The following KY variants were observed in gnomAD, a reference collection of about 807,000 sequenced individuals.
KY encodes the protein kyphoscoliosis peptidase.
In KY, 43 loss-of-function variants were observed where a neutral mutation model predicts 76.1. That is an observed-to-expected ratio of 0.57 (90% confidence interval 0.44 to 0.73). The LOEUF is 0.73. Ranked by LOEUF, KY falls within the 30% of genes least tolerant of loss-of-function variation. The probability of loss-of-function intolerance (pLI) is 0.00; values close to 1 mark genes in which losing one functional copy is unlikely to be tolerated. For synonymous variants in KY, 277 were observed against 326.2 expected (o/e 0.85, Z 1.63); for missense variants, 722 against 828.9 (o/e 0.87, Z 1.58).
At chr3:134,634,314 A>T (rs1403415902) in intron 3 of KY, among the ~76,000 whole-genome samples, 1 of 152,220 alleles carries the variant, frequency 6.6e-6, no homozygotes, top group African/African-American at 2.4e-5. Flanking sequence ...TGAAAAAAAA[A>T]GATGGGAGGA....
chr3:134,609,756 T>C (rs767042600), intron 9 of KY, among the ~76,000 whole-genome samples: 9 of 152,038 alleles, frequency 5.9e-5, no homozygotes, highest in Non-Finnish European at 1.0e-4. Context: ...TGTGATACGG[T>C]CTCACTCAGA....
chr3:134,610,097 C>T, intron 9 of KY, 98 bp downstream of exon 9: 1 of 1,337,108 alleles, frequency 7.5e-7, no homozygotes, highest in Non-Finnish European at 1.0e-6. Flanking sequence ...CTCTCCTTCC[C>T]CTCCCGCTTG....
At chr3:134,611,688 G>A (rs1309265254) in intron 8 of KY, among the ~76,000 whole-genome samples, 2 of 152,236 alleles carry the variant, frequency 1.3e-5, no homozygotes, top group African/African-American at 4.8e-5. Context: ...ACCCTGTGCT[G>A]TACTCAGCTG....
Position 134,643,359 on chromosome 3 carries a change from C to G in KY, c.219G>C (p.Gln73His). The change falls in exon 3 of 11, where the codon CAG becomes CAC. Residue 73 changes from glutamine (Q) to histidine (H), a missense_variant. Gln to His is a conservative substitution (Grantham distance 24). Coordinates refer to ENST00000423778, the MANE Select transcript of KY (RefSeq NM_178554.6). ...NDFHENLVEK[Q>H]HPQQPQVITS... ...TGATGACCTGGGGCTGCTGAGGGTG[C>G]TGCTTCTCCACCAAGTTTTCTATTT... 1.2e-6 allele frequency: 2 copies of G among 1,613,870 alleles called. No homozygotes were observed. Among genetic ancestry groups the G allele is most frequent in the Non-Finnish European group, 1.7e-6 (2 of 1,179,848 alleles).
chr3:134,650,048 CTTAT>C (rs1966847254), intron 1 of KY, among the ~76,000 whole-genome samples: 2 of 152,208 alleles, frequency 1.3e-5, no homozygotes, highest in Admixed American at 6.5e-5. Context: ...TTTTCAGGGG[CTTAT>C]TTAACCTCCA....
chr3:134,646,064 T>C (rs1298811611), intron 2 of KY, among the ~76,000 whole-genome samples: 1 of 152,150 alleles, frequency 6.6e-6, no homozygotes, highest in Non-Finnish European at 1.5e-5. Flanking sequence ...ACCTGTGGCT[T>C]GCTTGCCCAC....
At chr3:134,614,146 T>C (rs536243607) in intron 8 of KY, among the ~76,000 whole-genome samples, 1 of 152,234 alleles carries the variant, frequency 6.6e-6, no homozygotes, top group South Asian at 2.1e-4. Flanking sequence ...AGCAAAGACC[T>C]GGAGAGCCCA....
At chr3:134,627,588 A>G (rs977587143) in intron 5 of KY, among the ~76,000 whole-genome samples, 168 bp downstream of exon 5, 1 of 152,170 alleles carries the variant, frequency 6.6e-6, no homozygotes, top group African/African-American at 2.4e-5. Context: ...ACCTGTGTCC[A>G]TGGCAGACAT....
chr3:134,641,565 G>T (rs997608449), intron 3 of KY, among the ~76,000 whole-genome samples: 3 of 152,138 alleles, frequency 2.0e-5, no homozygotes, highest in African/African-American at 7.2e-5. Context: ...AAAAAACGCT[G>T]GCCCGGCTGA....
intron 3 of KY, among the ~76,000 whole-genome samples, chr3:134,637,930 T>C (rs1965204176): frequency 6.6e-6 from 1 of 152,212 alleles, no homozygotes; most frequent in African/African-American, 2.4e-5. Context: ...GCTCCAGCCA[T>C]CACTATTCCT....
At chr3:134,621,283 C>T (rs1217633193) in intron 6 of KY, among the ~76,000 whole-genome samples, 1 of 152,150 alleles carries the variant, frequency 6.6e-6, no homozygotes, top group Non-Finnish European at 1.5e-5. Context: ...GAAAAAAGAA[C>T]ACATTTGAAG....
chr3:134,648,324 CT>C (rs1318006138), intron 1 of KY, among the ~76,000 whole-genome samples: 1 of 152,190 alleles, frequency 6.6e-6, no homozygotes, highest in Non-Finnish European at 1.5e-5. Flanking sequence ...CCGCCACTCT[CT>C]TCTTAACACC....
chr3:134,642,704 G>T (rs1202300388), intron 3 of KY, among the ~76,000 whole-genome samples: 1 of 152,232 alleles, frequency 6.6e-6, no homozygotes, highest in African/African-American at 2.4e-5. Context: ...AACTGCTATT[G>T]GTCAGGACAA....
chr3:134,610,153 TC>T (rs771093497), intron 9 of KY, 41 bp downstream of exon 9: 1 of 1,579,704 alleles, frequency 6.3e-7, no homozygotes, highest in Admixed American at 1.7e-5. Context: ...ATCCTCCACT[TC>T]CACCTGCCAG....
rs914580528 is a variant in KY, at chr3:134,650,732, G to A, written c.136+93C>T. 2.5e-6 allele frequency: 3 copies of A among 1,221,648 alleles called. No individual in the cohort carries two copies. The African/African-American group carries it at 4.7e-5, about 19-fold the overall frequency. The allele number at this position is 1,221,648 out of a possible 1,614,324, so 75.7% of individuals were successfully genotyped here. A position where few individuals can be genotyped will look rare whatever the true frequency, so the allele number is the denominator to read the frequency against. On this transcript the variant is annotated intron_variant, in intron 1 of 10. Coordinates refer to ENST00000423778, the MANE Select transcript of KY (RefSeq NM_178554.6). ...GGGTCGGGTTCGCTGACCTCGTTCG[G>A]GGGAGCAATGGGCGCCCCCCGGCGG... is the stretch of plus-strand genomic sequence containing the variant.
rs771716570 is a variant in KY at position 134,619,191 on chromosome 3, T to C, written c.667A>G (p.Thr223Ala). The change falls in exon 8 of 11, where the codon ACC (threonine) becomes GCC (alanine). Residue 223 changes from threonine (T) to alanine (A), a missense_variant. Thr to Ala is a moderately conservative substitution (Grantham distance 58). This residue lies in a region of KY where 552 missense variants were observed against 680.9 expected (regional missense o/e 0.81). Coordinates refer to ENST00000423778, the MANE Select transcript of KY (RefSeq NM_178554.6). ...AGGCCAGCATAGCCATCACAGTTGG[T>C]CTTCTGGGTCCGCAGGATGTCAGTG... ...KPTDILRTQK[T>A]NCDGYAGLFE... The C allele has an allele frequency of 6.2e-7, 1 of 1,613,890 alleles. No individual in the cohort carries two copies. Among genetic ancestry groups the C allele is most frequent in the South Asian group, 1.1e-5 (1 of 91,080 alleles).
intron 3 of KY, among the ~76,000 whole-genome samples, chr3:134,632,817 CT>C (rs1432612551): frequency 4.6e-5 from 7 of 151,774 alleles, no homozygotes; most frequent in Non-Finnish European, 4.4e-5. Context: ...AATGCTGGTT[CT>C]TTTTAAAGAT....
intron 8 of KY, among the ~76,000 whole-genome samples, chr3:134,611,168 C>T (rs1019679627): frequency 2.0e-5 from 3 of 152,202 alleles, no homozygotes; most frequent in Non-Finnish European, 4.4e-5. Context: ...ATGGAAATGC[C>T]GACCAGTCAA....
At chr3:134,650,744 G>GCC in intron 1 of KY, 81 bp downstream of exon 1, 1 of 1,315,040 alleles carries the variant, frequency 7.6e-7, no homozygotes, top group Non-Finnish European at 1.0e-6. Flanking sequence ...GGAGCAATGG[G>GCC]CGCCCCCCGG....
Sources: allele counts gnomAD v4.1 joint callset (sites outside exome capture counted in the v4.1 genomes callset), GRCh38; gene constraint gnomAD v4.1.1; regional missense constraint gnomAD v4.1.1; transcripts MANE v1.5; gene names NCBI Gene and HGNC (gene_info 2026-07-23, HGNC 2026-07-21).